Variants in NUP210L observed in about 807,000 individuals in gnomAD.
The protein encoded by NUP210L is nuclear pore membrane glycoprotein 210-like.
A neutral mutation model predicts 208.5 loss-of-function variants in NUP210L; 74 were observed. The observed-to-expected ratio is 0.35, with a 90% CI of 0.29 to 0.43. The LOEUF is 0.43. NUP210L is among the 20% of genes least tolerant of loss of function. NUP210L has a pLI of 1.00. For missense variants in NUP210L, 1,843 were observed against 2,289.4 expected (o/e 0.81, Z 3.98); for synonymous variants, 780 against 816.9 (o/e 0.95, Z 0.77).
At chr1:154,091,526 AC>A (rs1239731978) in intron 15 of NUP210L, among the ~76,000 whole-genome samples, 2 of 119,922 alleles carry the variant, frequency 1.7e-5, no homozygotes, top group Non-Finnish European at 3.4e-5. Context: ...TTTGAGAGTG[AC>A]TTTTGCTCTA....
intron 25 of NUP210L, among the ~76,000 whole-genome samples, chr1:154,049,802 A>G (rs1653385250): frequency 6.6e-6 from 1 of 152,166 alleles, no homozygotes. Flanking sequence ...GATTTAAAAG[A>G]CTGTTTCTTT....
At chr1:154,104,426 C>T (rs1368951140) in intron 12 of NUP210L, 3 of 537,092 alleles carry the variant, frequency 5.6e-6, no homozygotes, top group Admixed American at 6.4e-5. Flanking sequence ...AAGGAAGGAG[C>T]CACTGAAGGG....
At chr1:154,139,740 C>T in intron 5 of NUP210L, 62 bp downstream of exon 5, 1 of 1,249,566 alleles carries the variant, frequency 8.0e-7, no homozygotes, top group Non-Finnish European at 1.1e-6. Flanking sequence ...ACCTGGGCAA[C>T]AGAGTTAGAC....
intron 16 of NUP210L, among the ~76,000 whole-genome samples, chr1:154,086,582 C>T (rs183480767): frequency 4.0e-5 from 6 of 149,438 alleles, no homozygotes; most frequent in East Asian, 4.1e-4. Flanking sequence ...AGGCCAAGGC[C>T]GGAGTATCAT....
At chr1:154,080,553 G>A (rs553941193) in intron 16 of NUP210L, among the ~76,000 whole-genome samples, 4 of 151,614 alleles carry the variant, frequency 2.6e-5, no homozygotes, top group East Asian at 3.9e-4. Flanking sequence ...GCACGGTGGC[G>A]TGCACCTGTA....
chr1:154,100,131 G>A lies in NUP210L; in HGVS notation c.1832C>T (p.Pro611Leu), dbSNP rs1239629517. The A allele has an allele frequency of 1.9e-6, 3 of 1,613,934 alleles. No homozygotes were observed. In the African/African-American group the frequency reaches 4.0e-5, roughly 22 times the overall value. ...TGTACTGGAACAATGCATTGGTCCA[G>A]GTCTTTGAATACCTGTGAATCAAAA... Residue 611 changes from proline to leucine, a missense_variant, in exon 14 of 40, where the codon CCT becomes CTT. Physicochemically the swap from Pro to Leu is moderately conservative, Grantham distance 98. Transcript: ENST00000368559.
exon 16 of NUP210L, chr1:154,089,578 A>G (rs1009464641): frequency 3.8e-5 from 62 of 1,614,018 alleles, no homozygotes; most frequent in Non-Finnish European, 5.1e-5. Context: ...ATGATTTCCA[A>G]TTCGGAATGT....
rs1344985814 is a variant in NUP210L at position 154,025,734 on chromosome 1, G to C, written c.3948-18C>G. 6.2e-7 allele frequency: 1 copy of C among 1,605,734 alleles called. No individual in the cohort carries two copies. Among genetic ancestry groups the C allele is most frequent in the Non-Finnish European group, 8.5e-7 (1 of 1,175,042 alleles). Reference sequence around the variant, plus strand: ...CTCCTTCCCTAGGGAACAAGGAAAGGAAGTGGCATCTTTTTGGGGTCCTGT... The same window carrying C: ...CTCCTTCCCTAGGGAACAAGGAAAGCAAGTGGCATCTTTTTGGGGTCCTGT... On this transcript the variant is annotated intron_variant, in intron 29 of 39. Transcript: ENST00000368559.
intron 2 of NUP210L, among the ~76,000 whole-genome samples, chr1:154,152,357 AG>A (rs1343511513): frequency 6.6e-6 from 1 of 151,614 alleles, no homozygotes; most frequent in Non-Finnish European, 1.5e-5. Context: ...TATTTTTAGT[AG>A]AGACGAGGTT....
intron 25 of NUP210L, among the ~76,000 whole-genome samples, chr1:154,049,403 G>T (rs1401007307): frequency 6.6e-6 from 1 of 152,114 alleles, no homozygotes; most frequent in Admixed American, 6.6e-5. Flanking sequence ...AATACTTGCA[G>T]GGTTTGAAGG....
In NUP210L at chr1:154,026,236, C is replaced by CA. The variant is rs564439881; in HGVS notation, c.3948-521dup. On this transcript the variant is annotated intron_variant, in intron 29 of 39. Transcript: ENST00000368559. ...GGGGGACAAGAGCAAAACTCCGTTT[C>CA]AAAAAAATAATTATTCAGCCAAAAC... Among the ~76,000 whole-genome samples, 16 of 151,986 alleles carry CA rather than the reference C, an allele frequency of 1.1e-4. No homozygotes were observed. The South Asian group carries it at 3.3e-3, about 32-fold the overall frequency.
chr1:154,078,257 C>T (rs535755312), intron 16 of NUP210L, among the ~76,000 whole-genome samples: 7 of 151,094 alleles, frequency 4.6e-5, no homozygotes, highest in African/African-American at 1.2e-4. Flanking sequence ...GTGGAGGTTA[C>T]GGTGAACCAT....
At chr1:154,082,012 A>G (rs749530494) in intron 16 of NUP210L, among the ~76,000 whole-genome samples, 4 of 152,166 alleles carry the variant, frequency 2.6e-5, no homozygotes, top group Non-Finnish European at 5.9e-5. Flanking sequence ...ACCAAAACTC[A>G]GTGGAATTTC....
exon 37 of NUP210L, chr1:154,000,993 G>T: frequency 6.2e-7 from 1 of 1,614,160 alleles, no homozygotes; most frequent in Non-Finnish European, 8.5e-7. Flanking sequence ...AGAGTAAATG[G>T]CCAGGCCAGG....
At chr1:154,022,997 A>G (rs998220863) in intron 31 of NUP210L, 125 bp downstream of exon 31, 123 of 1,092,014 alleles carry the variant, frequency 1.1e-4, no homozygotes, top group South Asian at 4.7e-5. Context: ...AATTTTTTTT[A>G]ACAAAAGAAA....
intron 24 of NUP210L, 50 bp from the exon 25 acceptor site, chr1:154,054,457 T>G (rs755311982): frequency 6.4e-7 from 1 of 1,572,730 alleles, no homozygotes; most frequent in Non-Finnish European, 8.7e-7. Context: ...GGAGAAATCA[T>G]GTCTCTTTTC....
At chr1:154,082,743 G>C (rs140575855) in intron 16 of NUP210L, among the ~76,000 whole-genome samples, 11 of 152,310 alleles carry the variant, frequency 7.2e-5, no homozygotes, top group African/African-American at 2.4e-4. Context: ...GATGCGTCCA[G>C]AGTTTCTTCC....
At chr1:154,122,878 G>T (rs1455055350) in intron 10 of NUP210L, among the ~76,000 whole-genome samples, 2 of 151,660 alleles carry the variant, frequency 1.3e-5, no homozygotes, top group Admixed American at 1.3e-4. Context: ...GGGCAACATG[G>T]TGAAACTCAT....
chr1:154,147,790 G>A (rs1659192207), intron 2 of NUP210L, among the ~76,000 whole-genome samples: 1 of 150,890 alleles, frequency 6.6e-6, no homozygotes, highest in African/African-American at 2.4e-5. Flanking sequence ...AGAGTAGCTG[G>A]GATTACAGGC....
Sources: gnomAD v4.1 joint callset for allele counts (sites outside exome capture counted in the v4.1 genomes callset) on GRCh38, gnomAD v4.1.1 for gene constraint, MANE v1.5 for transcripts, NCBI Gene and HGNC (gene_info 2026-07-23, HGNC 2026-07-21) for gene names.